The following NPAS3 variants were observed in gnomAD, a reference collection of about 807,000 sequenced individuals.
NPAS3 encodes neuronal PAS domain-containing protein 3.
NPAS3 carries 14 observed loss-of-function variants against 73.1 expected under a neutral mutation model. The observed-to-expected ratio is 0.19, with a 90% confidence interval of 0.13 to 0.30. The LOEUF (loss-of-function observed/expected upper bound fraction) is 0.30. Ranked by LOEUF, NPAS3 falls within the 10% of genes least tolerant of loss-of-function variation. The pLI, the probability that NPAS3 is intolerant of heterozygous loss-of-function variation, is 1.00. For missense variants in NPAS3, 1,096 were observed against 1,250.0 expected, an observed-to-expected ratio of 0.88 and a Z score of 1.86; for synonymous variants, 620 against 541.5, an observed-to-expected ratio of 1.14 and a Z score of -2.01.
chr14:33,799,752 A>C (rs901189211), exon 12 of NPAS3: 3 of 1,578,018 alleles, frequency 1.9e-6, no homozygotes, highest in Non-Finnish European at 2.6e-6. Flanking sequence ...GAGAACTCCA[A>C]GTCCGACGAG....
chr14:33,532,256 T>C (rs2054079544), intron 4 of NPAS3, among the ~76,000 whole-genome samples: 1 of 152,176 alleles, frequency 6.6e-6, no homozygotes, highest in Non-Finnish European at 1.5e-5. Context: ...TTTTTAAAGT[T>C]CAATTCTTTT....
intron 6 of NPAS3, among the ~76,000 whole-genome samples, chr14:33,709,601 G>A (rs2060760389): frequency 6.6e-6 from 1 of 152,166 alleles, no homozygotes; most frequent in Non-Finnish European, 1.5e-5. Context: ...TGTGAGAAGT[G>A]CTTTCACATC....
At chr14:33,178,072 TTTTTTTG>T (rs1397118666) in intron 2 of NPAS3, among the ~76,000 whole-genome samples, 2 of 127,580 alleles carry the variant, frequency 1.6e-5, no homozygotes, top group South Asian at 3.1e-4. Context: ...TGAAGTGAAT[TTTTTTTG>T]TTTTTTTTTT....
At chr14:33,065,808 C>T (rs1258331421) in intron 2 of NPAS3, among the ~76,000 whole-genome samples, 1 of 152,028 alleles carries the variant, frequency 6.6e-6, no homozygotes, top group African/African-American at 2.4e-5. Flanking sequence ...TTCATAACAG[C>T]ATCATTTTCC....
At chr14:33,755,682 C>G (rs2062093347) in intron 7 of NPAS3, among the ~76,000 whole-genome samples, 1 of 152,064 alleles carries the variant, frequency 6.6e-6, no homozygotes, top group Non-Finnish European at 1.5e-5. Context: ...ATATTACTGT[C>G]TTAGGCCATT....
chr14:33,065,909 A>G (rs2041261299), intron 2 of NPAS3, among the ~76,000 whole-genome samples: 1 of 152,058 alleles, frequency 6.6e-6, no homozygotes, highest in Admixed American at 6.6e-5. Flanking sequence ...CTTTTTGATG[A>G]TTCTTCTCTT....
intron 5 of NPAS3, among the ~76,000 whole-genome samples, chr14:33,562,393 C>G (rs565859191): frequency 1.6e-4 from 25 of 152,254 alleles, no homozygotes; most frequent in African/African-American, 6.0e-4. Flanking sequence ...AGACCCTGGC[C>G]AAAATGTGCC....
intron 6 of NPAS3, among the ~76,000 whole-genome samples, chr14:33,729,486 G>T (rs1377353447): frequency 6.6e-6 from 1 of 152,104 alleles, no homozygotes; most frequent in Admixed American, 6.6e-5. Flanking sequence ...GCTGATCTGT[G>T]TAGCTCTGGC....
chr14:33,267,041 T>G (rs1001281434), intron 3 of NPAS3, among the ~76,000 whole-genome samples: 1 of 152,188 alleles, frequency 6.6e-6, no homozygotes, highest in African/African-American at 2.4e-5. Flanking sequence ...TTATTATGGC[T>G]TTGTCATTTT....
intron 1 of NPAS3, among the ~76,000 whole-genome samples, chr14:32,996,446 A>G (rs1261201552): frequency 6.6e-6 from 1 of 152,216 alleles, no homozygotes; most frequent in African/African-American, 2.4e-5. Context: ...AGGGCATGTC[A>G]GAACCCTTCA....
intron 4 of NPAS3, among the ~76,000 whole-genome samples, chr14:33,408,476 C>G (rs983764426): frequency 5.9e-5 from 9 of 151,952 alleles, no homozygotes; most frequent in African/African-American, 2.2e-4. Flanking sequence ...GGGAAACAGC[C>G]AAACATCCTT....
At chr14:33,367,655 A>ATT (rs367639255) in intron 4 of NPAS3, among the ~76,000 whole-genome samples, 4,002 of 146,970 alleles carry the variant, frequency 0.027, 179 homozygotes, top group African/African-American at 0.083. Context: ...AAGTACTGTG[A>ATT]TTTTTTTTTT....
chr14:33,599,017 C>A (rs1762702687), intron 5 of NPAS3, among the ~76,000 whole-genome samples: 1 of 152,102 alleles, frequency 6.6e-6, no homozygotes, highest in Non-Finnish European at 1.5e-5. Flanking sequence ...TTTATGTCAC[C>A]AACAGAAGAG....
chr14:33,299,010 G>C (rs952908267), intron 3 of NPAS3, among the ~76,000 whole-genome samples: 20 of 152,294 alleles, frequency 1.3e-4, no homozygotes, highest in African/African-American at 3.4e-4. Flanking sequence ...AAGTTAAAAA[G>C]TGGGATTTCA....
chr14:33,667,312 T>G (rs919433462), intron 5 of NPAS3, among the ~76,000 whole-genome samples: 1 of 152,190 alleles, frequency 6.6e-6, no homozygotes, highest in Non-Finnish European at 1.5e-5. Flanking sequence ...CTGAAACTCC[T>G]GAAATAAAAT....
chr14:33,432,170 T>C (rs2139163293), intron 4 of NPAS3, among the ~76,000 whole-genome samples: 1 of 152,282 alleles, frequency 6.6e-6, no homozygotes, highest in East Asian at 1.9e-4. Context: ...AAGGGAGCAA[T>C]CTTTCATTGT....
chr14:33,123,996 G>C (rs898043888), intron 2 of NPAS3, among the ~76,000 whole-genome samples: 1 of 151,576 alleles, frequency 6.6e-6, no homozygotes, highest in Non-Finnish European at 1.5e-5. Context: ...GAGTAGCTGG[G>C]CCTATAGGTG....
At chr14:33,774,112 C>T (rs556459740) in intron 7 of NPAS3, among the ~76,000 whole-genome samples, 1 of 152,288 alleles carries the variant, frequency 6.6e-6, no homozygotes, top group East Asian at 1.9e-4. Flanking sequence ...ATAGCAACAG[C>T]ACCATAAGAA....
intron 2 of NPAS3, among the ~76,000 whole-genome samples, chr14:33,067,490 T>C (rs1241385783): frequency 6.6e-6 from 1 of 152,230 alleles, no homozygotes; most frequent in Non-Finnish European, 1.5e-5. Flanking sequence ...TTCCAAACTC[T>C]AGTTTTCTAT....
Sources: gnomAD v4.1 joint callset for allele counts (sites outside exome capture counted in the v4.1 genomes callset) on GRCh38, gnomAD v4.1.1 for gene constraint, MANE v1.5 for transcripts, NCBI Gene and HGNC (gene_info 2026-07-23, HGNC 2026-07-21) for gene names.